Variants in PELI2 observed in about 807,000 individuals in gnomAD.
PELI2 encodes the protein pellino E3 ubiquitin protein ligase family member 2, also known as E3 ubiquitin-protein ligase pellino homolog 2.
PELI2 carries 23 observed loss-of-function variants against 42.3 expected under a neutral mutation model. The ratio of observed to expected loss-of-function variants is 0.54; its 90% CI spans 0.39 to 0.77. PELI2 has a LOEUF of 0.77. Ranked by LOEUF, PELI2 falls within the 30% of genes least tolerant of loss-of-function variation. The pLI is 0.00. For missense variants in PELI2, 463 were observed against 553.2 expected (o/e 0.84, Z 1.64); for synonymous variants, 245 against 212.2 (o/e 1.15, Z -1.34).
chr14:56,209,155 T>C (rs1447325230), intron 2 of PELI2, among the ~76,000 whole-genome samples: 1 of 152,204 alleles, frequency 6.6e-6, no homozygotes, highest in Admixed American at 6.5e-5. Context: ...TAGTACATAG[T>C]TAAAAGATTA....
intron 2 of PELI2, among the ~76,000 whole-genome samples, chr14:56,221,481 A>G (rs962338088): frequency 6.6e-6 from 1 of 152,228 alleles, no homozygotes; most frequent in Non-Finnish European, 1.5e-5. Context: ...CATTTTATAA[A>G]ACAAACTGCA....
At chr14:56,292,201 C>T (rs1889851823) in intron 5 of PELI2, among the ~76,000 whole-genome samples, 2 of 152,114 alleles carry the variant, frequency 1.3e-5, no homozygotes. Flanking sequence ...TGAAGTTAGT[C>T]CCTATAAGCG....
intron 2 of PELI2, among the ~76,000 whole-genome samples, chr14:56,233,932 T>G (rs2139777349): frequency 6.6e-6 from 1 of 152,248 alleles, no homozygotes; most frequent in Middle Eastern, 3.4e-3. Context: ...CCATCAAAAG[T>G]GGGCGAAGGA....
intron 2 of PELI2, among the ~76,000 whole-genome samples, chr14:56,199,497 T>A (rs1427386395): frequency 6.6e-6 from 1 of 152,218 alleles, no homozygotes; most frequent in Non-Finnish European, 1.5e-5. Context: ...TCAGGAATAT[T>A]AAAATGGAAG....
chr14:56,262,380 C>A (rs1158054178), intron 2 of PELI2, among the ~76,000 whole-genome samples: 2 of 152,138 alleles, frequency 1.3e-5, no homozygotes, highest in Admixed American at 1.3e-4. Flanking sequence ...CCAGTGTATT[C>A]AATATCAAGC....
At chr14:56,201,223 C>T (rs1007790305) in intron 2 of PELI2, among the ~76,000 whole-genome samples, 2 of 152,096 alleles carry the variant, frequency 1.3e-5, no homozygotes, top group East Asian at 1.9e-4. Context: ...AGTATTCTGT[C>T]GAAAGGATGA....
chr14:56,120,552 C>T (rs892184347), intron 1 of PELI2, among the ~76,000 whole-genome samples: 3 of 152,136 alleles, frequency 2.0e-5, no homozygotes, highest in Admixed American at 6.5e-5. Flanking sequence ...AATGCTTTTC[C>T]AGGAGACCAA....
chr14:56,136,298 G>A (rs1482985971), intron 1 of PELI2, among the ~76,000 whole-genome samples: 1 of 152,168 alleles, frequency 6.6e-6, no homozygotes, highest in African/African-American at 2.4e-5. Flanking sequence ...CACACCCGGA[G>A]GTTCTGGATT....
In PELI2 at chr14:56,296,616, A is replaced by C; in HGVS notation, c.713A>C (p.Asn238Thr). 6.2e-7 allele frequency: 1 copy of C among 1,600,250 alleles called. No homozygotes were observed. Among genetic ancestry groups the C allele is most frequent in the Non-Finnish European group, 8.5e-7 (1 of 1,170,748 alleles). ...QRGKLVESET[N>T]VLQDGSLIDL... ...TTGTTGTAGGTGGAAAGTGAGACCA[A>C]CGTCCTGCAGGACGGCTCCCTCATT... Residue 238 changes from asparagine (N) to threonine (T), a missense_variant, in exon 6 of 6, where the codon AAC becomes ACC. Around this residue, in one of 3 missense-constraint regions of PELI2, gnomAD observed 343 missense variants for 378.4 expected, o/e 0.91. Coordinates refer to ENST00000267460, the MANE Select transcript of PELI2 (RefSeq NM_021255.3).
intron 1 of PELI2, among the ~76,000 whole-genome samples, chr14:56,175,541 T>G (rs1885342814): frequency 6.6e-6 from 1 of 152,216 alleles, no homozygotes; most frequent in African/African-American, 2.4e-5. Flanking sequence ...ATTAGAAACT[T>G]GTCTCATGGT....
intron 2 of PELI2, among the ~76,000 whole-genome samples, chr14:56,278,853 TAA>T (rs1889385365): frequency 6.6e-6 from 1 of 152,164 alleles, no homozygotes; most frequent in Non-Finnish European, 1.5e-5. Flanking sequence ...AAAATGAAGA[TAA>T]GTTAGATTGA....
chr14:56,183,930 G>A (rs924939655), intron 2 of PELI2, among the ~76,000 whole-genome samples: 3 of 152,096 alleles, frequency 2.0e-5, no homozygotes, highest in African/African-American at 7.2e-5. Context: ...AAAACTTCTA[G>A]GTGTTTTCAT....
chr14:56,178,512 C>G lies in PELI2; in HGVS notation c.207+48C>G, dbSNP rs780784345. 9 of 1,597,958 alleles carry G rather than the reference C, an allele frequency of 5.6e-6. No individual in the cohort carries two copies. The East Asian group carries it at 1.8e-4, about 32-fold the overall frequency. On this transcript the variant is annotated intron_variant, in intron 2 of 5. Transcript: ENST00000267460. ...GGGAGGGTGCTGGCAAACAGTGACT[C>G]ACAGATACTCCTTGTCCGCTGCTCT...
chr14:56,242,578 T>C (rs1888012832), intron 2 of PELI2, among the ~76,000 whole-genome samples: 1 of 152,124 alleles, frequency 6.6e-6, no homozygotes, highest in East Asian at 1.9e-4. Context: ...CAACTTGCAA[T>C]TGCAAAAATG....
At chr14:56,292,242 C>T (rs1290496362) in intron 5 of PELI2, among the ~76,000 whole-genome samples, 1 of 152,144 alleles carries the variant, frequency 6.6e-6, no homozygotes, top group Non-Finnish European at 1.5e-5. Flanking sequence ...TTGTGCTGTC[C>T]TATTTGATAG....
rs2139916423 is a variant in PELI2, at chr14:56,298,727, T to C, written c.*1561T>C. 6.5e-6 allele frequency: 1 copy of C among 152,812 alleles called. No homozygotes were observed. The allele number at this position is 152,812 out of a possible 1,614,324, so 9.5% of individuals were successfully genotyped here. A position where few individuals can be genotyped will look rare whatever the true frequency, so the allele number is the denominator to read the frequency against. On this transcript the variant is annotated 3_prime_UTR_variant, in exon 6 of 6. Transcript: ENST00000267460. ...CCTTAAAGTGATACGATAATATTAC[T>C]CTTGATTGCTGCTGCTTAATTTGAT...
intron 2 of PELI2, among the ~76,000 whole-genome samples, chr14:56,253,264 G>C (rs189172067): frequency 6.2e-4 from 95 of 152,280 alleles, no homozygotes; most frequent in African/African-American, 2.3e-3. Flanking sequence ...GGCCAAAGCT[G>C]GAAGCATTCC....
chr14:56,173,380 TC>T (rs1482091021), intron 1 of PELI2, among the ~76,000 whole-genome samples: 4 of 152,152 alleles, frequency 2.6e-5, no homozygotes, highest in Admixed American at 1.3e-4. Context: ...TTTTAGGCAT[TC>T]ATATTTTTGT....
intron 2 of PELI2, among the ~76,000 whole-genome samples, chr14:56,232,983 A>G (rs1887642732): frequency 6.6e-6 from 1 of 152,184 alleles, no homozygotes; most frequent in African/African-American, 2.4e-5. Context: ...GAGCCAAATC[A>G]TGAGTGAAGT....
Sources: allele counts gnomAD v4.1 joint callset (sites outside exome capture counted in the v4.1 genomes callset), GRCh38; gene constraint gnomAD v4.1.1; regional missense constraint gnomAD v4.1.1; transcripts MANE v1.5; gene names NCBI Gene and HGNC (gene_info 2026-07-23, HGNC 2026-07-21).